Variants in NUGGC observed in about 807,000 individuals in gnomAD.
NUGGC encodes nuclear GTPase SLIP-GC.
NUGGC carries 58 observed loss-of-function variants against 92.6 expected under a neutral mutation model. That is an observed-to-expected ratio of 0.63 (90% CI 0.51 to 0.78). The LOEUF is 0.78. Ranked by LOEUF, NUGGC falls within the 30% of genes least tolerant of loss-of-function variation. NUGGC has a pLI of 0.00. For synonymous variants in NUGGC, 376 were observed against 366.4 expected, an observed-to-expected ratio of 1.03 and a Z score of -0.30; for missense variants, 925 against 964.6, an observed-to-expected ratio of 0.96 and a Z score of 0.54.
At chr8:28,040,432 T>TA (rs1563217777) in intron 13 of NUGGC, among the ~76,000 whole-genome samples, 2 of 152,108 alleles carry the variant, frequency 1.3e-5, no homozygotes, top group African/African-American at 4.8e-5. Context: ...AATAAATTTT[T>TA]AAAAAATGGG....
chr8:28,056,031 C>T lies in NUGGC; in HGVS notation c.1140G>A (p.Glu380=), dbSNP rs1156909940. 4 of 1,563,724 alleles carry T rather than the reference C, an allele frequency of 2.6e-6. No homozygotes were observed. The African/African-American group carries it at 4.1e-5, about 16-fold the overall frequency. Residue 380 remains glutamate (E), a synonymous_variant, in exon 10 of 19, where the codon GAG becomes GAA. Transcript: ENST00000413272. ...TCATTTCATTTCTTTCTAAAACAGC[C>T]TCTCGCTGACTCTGAATAGCTTGCT... ...AGNQAIQSQR[E]AVLERNEMIK...
intron 2 of NUGGC, among the ~76,000 whole-genome samples, chr8:28,070,929 C>T (rs1363667956): frequency 6.6e-6 from 1 of 151,588 alleles, no homozygotes; most frequent in Non-Finnish European, 1.5e-5. Flanking sequence ...GAGTTGTAGG[C>T]TGCAGTGGGC....
intron 10 of NUGGC, among the ~76,000 whole-genome samples, chr8:28,049,992 C>T (rs1809949026): frequency 6.6e-6 from 1 of 152,128 alleles, no homozygotes; most frequent in Admixed American, 6.5e-5. Flanking sequence ...GAGGCTGAAG[C>T]AGGAGAATTC....
chr8:28,064,450 G>T, intron 7 of NUGGC, 72 bp downstream of exon 7: 3 of 1,242,314 alleles, frequency 2.4e-6, no homozygotes, highest in Non-Finnish European at 3.5e-6. Context: ...TGAAACCAGA[G>T]CATTCTTTGT....
At chr8:28,039,879 G>A (rs1217888609) in intron 13 of NUGGC, among the ~76,000 whole-genome samples, 2 of 152,176 alleles carry the variant, frequency 1.3e-5, no homozygotes, top group East Asian at 3.8e-4. Context: ...GACTGTGTTT[G>A]GAGACACAGC....
chr8:28,076,730 G>A (rs1237143600), intron 1 of NUGGC, among the ~76,000 whole-genome samples: 1 of 152,196 alleles, frequency 6.6e-6, no homozygotes, highest in Non-Finnish European at 1.5e-5. Flanking sequence ...TATTTGATGT[G>A]AGGTAGGGAA....
intron 18 of NUGGC, among the ~76,000 whole-genome samples, chr8:28,025,706 G>C (rs1809241981): frequency 6.6e-6 from 1 of 152,222 alleles, no homozygotes; most frequent in South Asian, 2.1e-4. Flanking sequence ...GAGAGATGGA[G>C]AAGTGCAGAA....
intron 5 of NUGGC, 66 bp from the exon 6 acceptor site, chr8:28,067,810 G>T: frequency 7.8e-7 from 1 of 1,283,230 alleles, no homozygotes; most frequent in East Asian, 2.4e-5. Flanking sequence ...CAAACAGAGG[G>T]GCCCATTGCC....
At chr8:28,043,983 G>T (rs1168254197) in intron 12 of NUGGC, among the ~76,000 whole-genome samples, 1 of 152,128 alleles carries the variant, frequency 6.6e-6, no homozygotes, top group Non-Finnish European at 1.5e-5. Flanking sequence ...ATTTAAAAAA[G>T]ATTGAATTTT....
At chr8:28,044,857 G>C (rs2130136178) in intron 12 of NUGGC, among the ~76,000 whole-genome samples, 1 of 152,318 alleles carries the variant, frequency 6.6e-6, no homozygotes, top group East Asian at 1.9e-4. Flanking sequence ...AACACAGCTG[G>C]TGACTGACGA....
At chr8:28,028,780 G>A (rs11997145) in intron 17 of NUGGC, among the ~76,000 whole-genome samples, 1 of 152,154 alleles carries the variant, frequency 6.6e-6, no homozygotes, top group African/African-American at 2.4e-5. Context: ...GACTGGCCTT[G>A]AGTAGTGTAT....
At chr8:28,034,414 C>T (rs906213106) in intron 13 of NUGGC, among the ~76,000 whole-genome samples, 8 of 152,102 alleles carry the variant, frequency 5.3e-5, no homozygotes, top group Non-Finnish European at 1.2e-4. Flanking sequence ...CAATGATATA[C>T]GTTTTAAGGG....
At position 28,055,986 on chromosome 8, in the gene NUGGC, T is replaced by TAAA. The variant is rs781195784; in HGVS notation, c.1184_1185insTTT (p.Arg395delinsSerLeu). On this transcript the variant is annotated protein_altering_variant, in exon 10 of 19. Transcript: ENST00000413272. ...TCACCTTCAGTTTTTCCTTGAGAATTCTAGTCCTTTGTAGTTTTATCATTT... is the reference window on the plus strand; with the variant it reads ...TCACCTTCAGTTTTTCCTTGAGAATTAAACTAGTCCTTTGTAGTTTTATCATTT... The TAAA allele has an allele frequency of 6.5e-7, 1 of 1,548,274 alleles. No individual in the cohort carries two copies. Among genetic ancestry groups the TAAA allele is most frequent in the South Asian group, 1.2e-5 (1 of 84,462 alleles).
chr8:28,024,323 G>A (rs1809200364), intron 18 of NUGGC, among the ~76,000 whole-genome samples: 1 of 151,662 alleles, frequency 6.6e-6, no homozygotes, highest in Non-Finnish European at 1.5e-5. Flanking sequence ...GGGATTACAG[G>A]CATGAGCCAC....
At chr8:28,081,007 T>A (rs1482590596) in intron 1 of NUGGC, among the ~76,000 whole-genome samples, 2 of 151,940 alleles carry the variant, frequency 1.3e-5, no homozygotes, top group African/African-American at 4.8e-5. Context: ...GAATTGGTTT[T>A]AAAAAAAATA....
chr8:28,024,636 T>C (rs981276851), intron 18 of NUGGC, among the ~76,000 whole-genome samples: 2 of 152,202 alleles, frequency 1.3e-5, no homozygotes, highest in South Asian at 4.1e-4. Flanking sequence ...CTAATCCCCC[T>C]TGGCTTTCTG....
chr8:28,074,541 G>A (rs961931047), intron 1 of NUGGC, 85 bp from the exon 2 acceptor site: 2 of 845,314 alleles, frequency 2.4e-6, no homozygotes, highest in East Asian at 2.6e-5. Flanking sequence ...CAGTCTGCTT[G>A]TGCGGTATTT....
At chr8:28,071,593 G>A (rs1414080187) in intron 2 of NUGGC, among the ~76,000 whole-genome samples, 1 of 152,154 alleles carries the variant, frequency 6.6e-6, no homozygotes, top group Non-Finnish European at 1.5e-5. Flanking sequence ...GCTCTGCGGA[G>A]ATTCATTCAC....
In NUGGC at chr8:28,026,996, C is replaced by G; in HGVS notation, c.2211G>C (p.Ser737=). ...GSITTMLALA[S]SQGDGLYKEL... ...CCTTGTAGAGGCCATCCCCCTGGGA[C>G]GAAGCAAGGGCCAGCATAGTGGTGA... is the stretch of plus-strand genomic sequence containing the variant. Residue 737 remains serine, a synonymous_variant, in exon 18 of 19, where the codon TCG becomes TCC. Coordinates refer to ENST00000413272, the MANE Select transcript of NUGGC (RefSeq NM_001010906.2). The G allele has an allele frequency of 6.2e-6, 10 of 1,613,746 alleles. No homozygotes were observed. Among genetic ancestry groups the G allele is most frequent in the Non-Finnish European group, 8.5e-6 (10 of 1,179,660 alleles).
Sources: gnomAD v4.1 joint callset for allele counts (sites outside exome capture counted in the v4.1 genomes callset) on GRCh38, gnomAD v4.1.1 for gene constraint, MANE v1.5 for transcripts, NCBI Gene and HGNC (gene_info 2026-07-23, HGNC 2026-07-21) for gene names.